PDE6B: variants seen among roughly 807,000 people sequenced by gnomAD.
PDE6B encodes phosphodiesterase 6B, also known as rod cGMP-specific 3',5'-cyclic phosphodiesterase subunit beta.
In PDE6B, 106 loss-of-function variants were observed where a neutral mutation model predicts 109.0. That is an observed-to-expected ratio of 0.97 (90% CI 0.83 to 1.14). The LOEUF is 1.14. Among genes scored for constraint, PDE6B ranks in the 50% most tolerant of loss-of-function variants. PDE6B has a pLI of 0.00. For synonymous variants in PDE6B, 490 were observed against 471.3 expected (o/e 1.04, Z -0.51); for missense variants, 1,193 against 1,155.6 (o/e 1.03, Z -0.47).
Position 664,978 on chromosome 4 carries a change from G to C in PDE6B, c.2193+34G>C, listed in dbSNP as rs1175431454. 3 of 1,529,958 alleles carry C rather than the reference G, an allele frequency of 2.0e-6. No homozygotes were observed. The African/African-American group carries it at 4.1e-5, about 21-fold the overall frequency. 94.8% of individuals were successfully genotyped at this position (1,529,958 alleles called of 1,614,324 possible). A position where few individuals can be genotyped will look rare whatever the true frequency, so the allele number is the denominator to read the frequency against. On this transcript the variant is annotated intron_variant, in intron 18 of 21. Coordinates refer to ENST00000496514, the MANE Select transcript of PDE6B (RefSeq NM_000283.4). ...AGAGGGCCCTCCAGACCCAGAGTCA[G>C]TGCCTCTCAGCACATGGGACTGCCG...
rs951119867 is a variant in PDE6B at position 654,628 on chromosome 4, G to A, written c.928-196G>A. The A allele has an allele frequency of 1.2e-5, 8 of 664,672 alleles. No individual in the cohort carries two copies. In the African/African-American group the frequency reaches 1.4e-4, roughly 12 times the overall value. The allele number at this position is 664,672 out of a possible 1,614,324, so 41.2% of individuals were successfully genotyped here. On this transcript the variant is annotated intron_variant, in intron 5 of 21. Transcript: ENST00000496514. ...CTGAGCCTGTGCATGTGTGGACATGGGTGTGAGTGCACCCGCATTCGTAGA... is the reference window on the plus strand; with the variant it reads ...CTGAGCCTGTGCATGTGTGGACATGAGTGTGAGTGCACCCGCATTCGTAGA...
In PDE6B at chr4:625,719, T is replaced by C; in HGVS notation, c.93T>C (p.Asn31=). The change falls in exon 1 of 22, where the codon AAT becomes AAC. Residue 31 remains asparagine (N), a synonymous_variant. Transcript: ENST00000496514. This position sits in a 1 kb window ranked among gnomAD's most constrained non-coding sequence, Gnocchi z 5.0. ...TTGGGAAGAAACTGAGCCCTGAGAA[T>C]GTGGCCGCGGCCTGCGAGGACGGGT... ...QYFGKKLSPE[N]VAAACEDGCP... 1 of 1,613,694 alleles carries C rather than the reference T, an allele frequency of 6.2e-7. No individual in the cohort carries two copies. Among genetic ancestry groups the C allele is most frequent in the Non-Finnish European group, 8.5e-7 (1 of 1,179,960 alleles).
intron 1 of PDE6B, among the ~76,000 whole-genome samples, chr4:628,459 TCTCGCC>T (rs965729594): frequency 5.3e-5 from 8 of 152,092 alleles, no homozygotes; most frequent in Non-Finnish European, 1.2e-4. Context: ...CCACCCGGAG[TCTCGCC>T]CTCCTGAGCC....
At chr4:647,725 G>A in intron 3 of PDE6B, among the ~76,000 whole-genome samples, 1 of 151,894 alleles carries the variant, frequency 6.6e-6, no homozygotes, top group East Asian at 1.9e-4. Flanking sequence ...TGGGGGGAGG[G>A]GCACGCAATC....
chr4:664,841 G>C (rs781128230), intron 17 of PDE6B, 40 bp from the exon 18 acceptor site: 15 of 1,531,194 alleles, frequency 9.8e-6, no homozygotes, highest in Non-Finnish European at 1.4e-5. Context: ...CTGCCCTCAG[G>C]AGACGCCCAT....
At chr4:668,593 A>G (rs1258637252) in intron 21 of PDE6B, among the ~76,000 whole-genome samples, 1 of 88,746 alleles carries the variant, frequency 1.1e-5, no homozygotes, top group African/African-American at 5.4e-5. Flanking sequence ...ACCCCATGCT[A>G]TTCCCGCTAC....
At chr4:653,692 G>T in intron 3 of PDE6B, 160 bp from the exon 4 acceptor site, 1 of 830,578 alleles carries the variant, frequency 1.2e-6, no homozygotes, top group Non-Finnish European at 1.9e-6. Context: ...ACCTGGCCAC[G>T]GAGCCACCAA....
At chr4:658,895 G>T (rs941417147) in intron 10 of PDE6B, 57 bp from the exon 11 acceptor site, 1 of 1,293,062 alleles carries the variant, frequency 7.7e-7, no homozygotes, top group Non-Finnish European at 1.1e-6. Flanking sequence ...ACGCACCGCC[G>T]TCACCTTGTC....
At position 662,304 on chromosome 4, in the gene PDE6B, A is replaced by G; in HGVS notation, c.1722+63A>G. On this transcript the variant is annotated intron_variant, in intron 13 of 21. Coordinates refer to ENST00000496514, the MANE Select transcript of PDE6B (RefSeq NM_000283.4). The surrounding 1 kb of genome is among the most constrained non-coding windows in gnomAD (Gnocchi z 4.3). The stretch of plus-strand genomic sequence containing the variant: ...CTCCTGGTACCAAGGGCAGCACTCA[A>G]GCACCCCGAGGGATGAGATGGGGGT... 1 of 985,698 alleles carries G rather than the reference A, an allele frequency of 1.0e-6. No homozygotes were observed. The highest frequency in any genetic ancestry group is 1.6e-6 in the Non-Finnish European group (1 of 632,488). 61.1% of individuals were successfully genotyped at this position (985,698 alleles called of 1,614,324 possible). A position where few individuals can be genotyped will look rare whatever the true frequency, so the allele number is the denominator to read the frequency against.
In PDE6B at chr4:666,452, A is replaced by C; in HGVS notation, c.2269-79A>C. 1.1e-6 allele frequency: 1 copy of C among 879,774 alleles called. No homozygotes were observed. The allele number at this position is 879,774 out of a possible 1,614,324, so 54.5% of individuals were successfully genotyped here. A position where few individuals can be genotyped will look rare whatever the true frequency, so the allele number is the denominator to read the frequency against. On this transcript the variant is annotated intron_variant, in intron 19 of 21. Transcript: ENST00000496514. This position sits in a 1 kb window ranked among gnomAD's most constrained non-coding sequence, Gnocchi z 5.6. ...GTGTCTCCATGAGCACATCTGAGTG[A>C]GGGGGTCGGGGGGCTGGGCGGGGCC...
Position 666,786 on chromosome 4 carries a change from A to G in PDE6B, c.2352+172A>G, listed in dbSNP as rs1737853231. On this transcript the variant is annotated intron_variant, in intron 20 of 21. Transcript: ENST00000496514. This position sits in a 1 kb window ranked among gnomAD's most constrained non-coding sequence, Gnocchi z 5.6. Reference sequence around the variant, plus strand: ...TTGAGTGGGGCAAATGGGGAGGAACATCAGTTTCCGGACCCCCACAGGTGC... The same window carrying G: ...TTGAGTGGGGCAAATGGGGAGGAACGTCAGTTTCCGGACCCCCACAGGTGC... Among the ~76,000 whole-genome samples, 1 of 152,126 alleles carries G rather than the reference A, an allele frequency of 6.6e-6. No individual in the cohort carries two copies.
rs1306635618 is a variant in PDE6B at position 648,368 on chromosome 4, A to G, written c.712-5484A>G. On this transcript the variant is annotated intron_variant, in intron 3 of 21. Coordinates refer to ENST00000496514, the MANE Select transcript of PDE6B (RefSeq NM_000283.4). The surrounding 1 kb of genome is among the most constrained non-coding windows in gnomAD (Gnocchi z 4.5). ...TTAGGCATCCTGACTTGCAGGAGGC[A>G]CAGGCCTGCCTCACGGCTCTTTTTG... 1.3e-5 allele frequency among the ~76,000 whole-genome samples: 2 copies of G among 151,402 alleles called. No homozygotes were observed. Among genetic ancestry groups the G allele is most frequent in the Non-Finnish European group, 2.9e-5 (2 of 68,038 alleles).
Position 665,208 on chromosome 4 carries a change from C to T in PDE6B, c.2194-47C>T, listed in dbSNP as rs781669178. The T allele has an allele frequency of 1.5e-5, 22 of 1,447,000 alleles. No homozygotes were observed. The highest frequency in any genetic ancestry group is 1.9e-5 in the Non-Finnish European group (20 of 1,032,504). The allele number at this position is 1,447,000 out of a possible 1,614,324, so 89.6% of individuals were successfully genotyped here. On this transcript the variant is annotated intron_variant, in intron 18 of 21. Transcript: ENST00000496514. The surrounding 1 kb of genome is among the most constrained non-coding windows in gnomAD (Gnocchi z 4.0). ...CTCACGGGGCGGGCCCGGGCCCTTC[C>T]GCGTGGGCTCAGAGCTCCACAGACA...
intron 20 of PDE6B, among the ~76,000 whole-genome samples, 179 bp from the exon 21 acceptor site, chr4:667,677 C>T (rs1490532721): frequency 6.6e-6 from 1 of 152,240 alleles, no homozygotes; most frequent in Non-Finnish European, 1.5e-5. Context: ...ATGTCACCAA[C>T]ACAGCCCCCG....
rs1278960196 is a variant in PDE6B at position 665,919 on chromosome 4, G to A, written c.2268+590G>A. Reference sequence around the variant, plus strand: ...GAGGGGCTCTCTGGAGCCTGCAGTGGAGAGGGCTTAGGCCAGGTGCAGCCT... The same window carrying A: ...GAGGGGCTCTCTGGAGCCTGCAGTGAAGAGGGCTTAGGCCAGGTGCAGCCT... On this transcript the variant is annotated intron_variant, in intron 19 of 21. Transcript: ENST00000496514. This position sits in a 1 kb window ranked among gnomAD's most constrained non-coding sequence, Gnocchi z 4.0. Among the ~76,000 whole-genome samples, 1 of 152,206 alleles carries A rather than the reference G, an allele frequency of 6.6e-6. No individual in the cohort carries two copies. Among genetic ancestry groups the A allele is most frequent in the African/African-American group, 2.4e-5 (1 of 41,462 alleles).
rs866891056 is a variant in PDE6B at position 625,675 on chromosome 4, G to A, written c.49G>A (p.Asp17Asn). Residue 17 changes from aspartate (D) to asparagine (N), a missense_variant, in exon 1 of 22, where the codon GAT becomes AAT. By Grantham distance (23) the Asp-to-Asn change is conservative (BLOSUM62 1). Transcript: ENST00000496514. The surrounding 1 kb of genome is among the most constrained non-coding windows in gnomAD (Gnocchi z 5.0). Reference protein sequence around the residue: ...QARSFLDQNPDFARQYFGKKL... With the variant: ...QARSFLDQNPNFARQYFGKKL... ...CCGGAGCTTTCTGGACCAGAACCCCGATTTTGCCCGCCAGTACTTTGGGAA... is the reference window on the plus strand; with the variant it reads ...CCGGAGCTTTCTGGACCAGAACCCCAATTTTGCCCGCCAGTACTTTGGGAA... 10 of 1,613,812 alleles carry A rather than the reference G, an allele frequency of 6.2e-6. No homozygotes were observed. Among genetic ancestry groups the A allele is most frequent in the African/African-American group, 1.3e-5 (1 of 74,936 alleles).
At position 665,184 on chromosome 4, in the gene PDE6B, T is replaced by C; in HGVS notation, c.2194-71T>C. ...GCGGAGAAGACCGAGGCTCGGAGCC[T>C]CACGGGGCGGGCCCGGGCCCTTCCG... On this transcript the variant is annotated intron_variant, in intron 18 of 21. Coordinates refer to ENST00000496514, the MANE Select transcript of PDE6B (RefSeq NM_000283.4). This position sits in a 1 kb window ranked among gnomAD's most constrained non-coding sequence, Gnocchi z 4.0. 2 of 1,167,150 alleles carry C rather than the reference T, an allele frequency of 1.7e-6. No individual in the cohort carries two copies. The highest frequency in any genetic ancestry group is 2.5e-6 in the Non-Finnish European group (2 of 794,082). The allele number at this position is 1,167,150 out of a possible 1,614,324, so 72.3% of individuals were successfully genotyped here. A position where few individuals can be genotyped will look rare whatever the true frequency, so the allele number is the denominator to read the frequency against.
At chr4:667,715 G>A (rs1737955051) in intron 20 of PDE6B, 141 bp from the exon 21 acceptor site, 1 of 849,750 alleles carries the variant, frequency 1.2e-6, no homozygotes, top group Non-Finnish European at 2.0e-6. Flanking sequence ...GGGCTCTGCT[G>A]GGAAGGTGCC....
Position 670,402 on chromosome 4 carries a change from A to C in PDE6B, c.*295A>C. ...GGACTACAGGCGCCCACCACCACAC[A>C]TGGCTAATTTTTGTATTTTCAGTAC... On this transcript the variant is annotated 3_prime_UTR_variant, in exon 22 of 22. Transcript: ENST00000496514. 2.8e-6 allele frequency: 1 copy of C among 361,336 alleles called. No individual in the cohort carries two copies. The highest frequency in any genetic ancestry group is 2.4e-5 in the South Asian group (1 of 42,028). The allele number at this position is 361,336 out of a possible 1,614,324, so 22.4% of individuals were successfully genotyped here.
Sources: allele counts gnomAD v4.1 joint callset (sites outside exome capture counted in the v4.1 genomes callset), GRCh38; gene constraint gnomAD v4.1.1; non-coding constraint Gnocchi (gnomAD v3.1); transcripts MANE v1.5; gene names NCBI Gene and HGNC (gene_info 2026-07-23, HGNC 2026-07-21).